The following SNX27 variants were observed in gnomAD, a reference collection of about 807,000 sequenced individuals.
SNX27 encodes the protein sorting nexin 27.
In SNX27, 22 loss-of-function variants were observed where a neutral mutation model predicts 71.6. That is an observed-to-expected ratio of 0.31 (90% CI 0.22 to 0.44). The LOEUF is 0.44. Among genes scored for constraint, SNX27 ranks in the 20% least tolerant of loss-of-function variants. SNX27 has a pLI of 1.00. For synonymous variants in SNX27, 269 were observed against 277.2 expected, an observed-to-expected ratio of 0.97 and a Z score of 0.29; for missense variants, 531 against 698.6, an observed-to-expected ratio of 0.76 and a Z score of 2.70.
At chr1:151,682,023 A>G (rs917931184) in intron 7 of SNX27, among the ~76,000 whole-genome samples, 2 of 152,198 alleles carry the variant, frequency 1.3e-5, no homozygotes, top group African/African-American at 4.8e-5. Context: ...GACTGCCTAT[A>G]TCACTGTCTG....
In SNX27 at chr1:151,695,113, G is replaced by A. The variant is rs1254686964; in HGVS notation, c.*696G>A. ...ATAGAGTCTAGGAACAAGGAGTATAGTTTCTTTATCTTCCAAGAGGGTGCT... is the reference window on the plus strand; with the variant it reads ...ATAGAGTCTAGGAACAAGGAGTATAATTTCTTTATCTTCCAAGAGGGTGCT... On this transcript the variant is annotated 3_prime_UTR_variant, in exon 12 of 12. Coordinates refer to ENST00000458013, the MANE Select transcript of SNX27 (RefSeq NM_001330723.2). The A allele has an allele frequency of 1.3e-5, 2 of 152,564 alleles. No individual in the cohort carries two copies. The highest frequency in any genetic ancestry group is 2.9e-5 in the Non-Finnish European group (2 of 68,038). 9.5% of individuals were successfully genotyped at this position (152,564 alleles called of 1,614,324 possible).
chr1:151,658,553 T>C, intron 3 of SNX27, 126 bp downstream of exon 3: 1 of 938,328 alleles, frequency 1.1e-6, no homozygotes, highest in South Asian at 1.7e-5. Context: ...TGACTAAGTA[T>C]TGAATGATCT....
At chr1:151,629,979 C>T (rs1431198441) in intron 1 of SNX27, among the ~76,000 whole-genome samples, 1 of 147,354 alleles carries the variant, frequency 6.8e-6, no homozygotes, top group African/African-American at 2.5e-5. Context: ...GGCGTGGTGG[C>T]CTGCACCTGT....
chr1:151,633,956 G>A (rs1162132511), intron 1 of SNX27, among the ~76,000 whole-genome samples: 1 of 150,444 alleles, frequency 6.6e-6, no homozygotes, highest in Middle Eastern at 3.4e-3. Context: ...AGTTGTTTGT[G>A]TAGATGTGTA....
intron 2 of SNX27, among the ~76,000 whole-genome samples, chr1:151,651,097 G>A (rs1377078573): frequency 1.3e-4 from 19 of 151,912 alleles, no homozygotes; most frequent in African/African-American, 4.1e-4. Flanking sequence ...ATCCTGGCCC[G>A]TTCTCAATGA....
At chr1:151,682,108 A>C (rs908456002) in intron 7 of SNX27, among the ~76,000 whole-genome samples, 2 of 152,228 alleles carry the variant, frequency 1.3e-5, no homozygotes, top group Admixed American at 1.3e-4. Context: ...TTGTTTACAC[A>C]TGTATAAAAT....
chr1:151,671,005 A>G lies in SNX27; in HGVS notation c.1149+2370A>G, dbSNP rs1378984603. Reference sequence around the variant, plus strand: ...GCTAGTTTCATTCTTTTGCACATGGATATCCAGTTTTCCCAGCACCATTTA... The same window carrying G: ...GCTAGTTTCATTCTTTTGCACATGGGTATCCAGTTTTCCCAGCACCATTTA... On this transcript the variant is annotated intron_variant, in intron 7 of 11. Coordinates refer to ENST00000458013, the MANE Select transcript of SNX27 (RefSeq NM_001330723.2). 3.9e-5 allele frequency among the ~76,000 whole-genome samples: 6 copies of G among 152,076 alleles called. No homozygotes were observed. In the South Asian group the frequency reaches 6.2e-4, roughly 16 times the overall value.
intron 8 of SNX27, among the ~76,000 whole-genome samples, chr1:151,685,714 A>G (rs1671170095): frequency 6.6e-6 from 1 of 152,170 alleles, no homozygotes; most frequent in African/African-American, 2.4e-5. Flanking sequence ...AATGCAAACC[A>G]GTCAGCCATT....
At chr1:151,639,580 C>G (rs915183229) in intron 2 of SNX27, among the ~76,000 whole-genome samples, 1 of 152,202 alleles carries the variant, frequency 6.6e-6, no homozygotes, top group African/African-American at 2.4e-5. Context: ...CTCTACTCTT[C>G]TTTCCACATC....
At chr1:151,692,404 TCC>T in intron 8 of SNX27, 29 bp from the exon 9 acceptor site, 1 of 1,420,346 alleles carries the variant, frequency 7.0e-7, no homozygotes, top group South Asian at 1.3e-5. Flanking sequence ...TGTTTCTCCT[TCC>T]TTTTTTTTTT....
intron 8 of SNX27, among the ~76,000 whole-genome samples, chr1:151,687,700 G>C (rs899801970): frequency 6.6e-6 from 1 of 152,164 alleles, no homozygotes; most frequent in Admixed American, 6.5e-5. Flanking sequence ...TATAATCCCA[G>C]CACTTTGGGA....
intron 2 of SNX27, among the ~76,000 whole-genome samples, chr1:151,642,205 G>T (rs1010021262): frequency 3.3e-5 from 5 of 151,626 alleles, no homozygotes; most frequent in African/African-American, 1.2e-4. Flanking sequence ...TGGCCAATAT[G>T]GTGAAACCCC....
rs189604143 is a variant in SNX27, at chr1:151,694,615, C to T, written c.*198C>T. The T allele has an allele frequency of 2.6e-5, 13 of 503,936 alleles. No individual in the cohort carries two copies. The highest frequency in any genetic ancestry group is 3.3e-4 in the Middle Eastern group (1 of 3,030). The allele number at this position is 503,936 out of a possible 1,614,324, so 31.2% of individuals were successfully genotyped here. On this transcript the variant is annotated 3_prime_UTR_variant, in exon 12 of 12. Coordinates refer to ENST00000458013, the MANE Select transcript of SNX27 (RefSeq NM_001330723.2). ...ATTGAGGTGGTAGTGAACAGCAGATCGGTCAGCACCAGAAGTCAACTGAGT... is the reference window on the plus strand; with the variant it reads ...ATTGAGGTGGTAGTGAACAGCAGATTGGTCAGCACCAGAAGTCAACTGAGT...
rs1019724162 is a variant in SNX27, at chr1:151,612,752, C to T, written c.311+240C>T. On this transcript the variant is annotated intron_variant, in intron 1 of 11. Transcript: ENST00000458013. This position sits in a 1 kb window ranked among gnomAD's most constrained non-coding sequence, Gnocchi z 5.2. The stretch of plus-strand genomic sequence containing the variant: ...TCGTCTCCAGCTGATGCCCTTGCGC[C>T]CCCAGTGCTCCTCCCTGTGCCCCGA... 2.0e-5 allele frequency among the ~76,000 whole-genome samples: 3 copies of T among 152,150 alleles called. No homozygotes were observed. Among genetic ancestry groups the T allele is most frequent in the African/African-American group, 7.2e-5 (3 of 41,450 alleles).
intron 1 of SNX27, among the ~76,000 whole-genome samples, chr1:151,626,283 T>C (rs200370327): frequency 0.02 from 3,113 of 152,004 alleles, 104 homozygotes; most frequent in African/African-American, 0.072. Context: ...TTTTTGTTTT[T>C]CCCTACATTT....
chr1:151,657,425 C>T (rs1436021702), intron 2 of SNX27, among the ~76,000 whole-genome samples: 1 of 152,206 alleles, frequency 6.6e-6, no homozygotes, highest in Non-Finnish European at 1.5e-5. Flanking sequence ...GCCTGTCAGC[C>T]TCACAAAGTG....
Position 151,694,481 on chromosome 1 carries a change from A to G in SNX27, c.*64A>G, listed in dbSNP as rs1174973030. ...TCTTACTCCTTTCATGTCCCATTTC[A>G]GACAGAGTAACCATTAACAAAAAAG... is the stretch of plus-strand genomic sequence containing the variant. On this transcript the variant is annotated 3_prime_UTR_variant, in exon 12 of 12. Transcript: ENST00000458013. 2.7e-6 allele frequency: 4 copies of G among 1,466,824 alleles called. No homozygotes were observed. The highest frequency in any genetic ancestry group is 1.4e-5 in the African/African-American group (1 of 70,250). The allele number at this position is 1,466,824 out of a possible 1,614,324, so 90.9% of individuals were successfully genotyped here. A position where few individuals can be genotyped will look rare whatever the true frequency, so the allele number is the denominator to read the frequency against.
chr1:151,643,263 CTTTTATTT>C (rs1171252405), intron 2 of SNX27, among the ~76,000 whole-genome samples: 3 of 118,210 alleles, frequency 2.5e-5, no homozygotes, highest in South Asian at 2.8e-4. Flanking sequence ...CACGCCTGGC[CTTTTATTT>C]ATTTATTTAT....
Position 151,612,302 on chromosome 1 carries a change from G to A in SNX27, c.101G>A (p.Gly34Asp), listed in dbSNP as rs1667211910. The change falls in exon 1 of 12, where the codon GGC becomes GAC. Residue 34 changes from glycine to aspartate, a missense_variant. This residue lies in a region of SNX27 where 130 missense variants were observed against 143.5 expected (regional missense o/e 0.91). Transcript: ENST00000458013. This position sits in a 1 kb window ranked among gnomAD's most constrained non-coding sequence, Gnocchi z 5.2. ...TCTGGGCTCCACTGCGCCGGGAACGGCGGCGGGGGAGGCGGCGGCCCGCGG... is the reference window on the plus strand; with the variant it reads ...TCTGGGCTCCACTGCGCCGGGAACGACGGCGGGGGAGGCGGCGGCCCGCGG... ...GGSGLHCAGNGGGGGGGPRVV... is the reference protein window; with the variant it reads ...GGSGLHCAGNDGGGGGGPRVV... 3.3e-6 allele frequency: 5 copies of A among 1,517,962 alleles called. No individual in the cohort carries two copies. Among genetic ancestry groups the A allele is most frequent in the Admixed American group, 2.2e-5 (1 of 44,766 alleles). The allele number at this position is 1,517,962 out of a possible 1,614,324, so 94.0% of individuals were successfully genotyped here. A position where few individuals can be genotyped will look rare whatever the true frequency, so the allele number is the denominator to read the frequency against.
Sources: gnomAD v4.1 joint callset for allele counts (sites outside exome capture counted in the v4.1 genomes callset) on GRCh38, gnomAD v4.1.1 for gene constraint, gnomAD v4.1.1 regional missense constraint, Gnocchi (gnomAD v3.1) non-coding constraint, MANE v1.5 for transcripts, NCBI Gene and HGNC (gene_info 2026-07-23, HGNC 2026-07-21) for gene names.